The following OR7C1 variants were observed in gnomAD, a reference collection of about 807,000 sequenced individuals.
OR7C1 encodes the protein olfactory receptor 7C1.
For synonymous variants in OR7C1, 152 were observed against 160.7 expected (o/e 0.95, Z 0.41); for missense variants, 324 against 383.3 (o/e 0.85, Z 1.29).
At chr19:14,828,929 AAAC>A (rs1295611542) in intron 1 of OR7C1, among the ~76,000 whole-genome samples, 1 of 77,258 alleles carries the variant, frequency 1.3e-5, no homozygotes, top group East Asian at 9.4e-4. Flanking sequence ...TAAACAAATT[AAAC>A]AATCGAATAT....
intron 2 of OR7C1, among the ~76,000 whole-genome samples, chr19:14,806,513 A>G (rs1171633738): frequency 6.6e-6 from 1 of 151,856 alleles, no homozygotes; most frequent in Non-Finnish European, 1.5e-5. Context: ...TGCATTAGCT[A>G]TTTATCCTGA....
chr19:14,806,137 A>T (rs964592464), intron 2 of OR7C1, among the ~76,000 whole-genome samples: 1 of 151,888 alleles, frequency 6.6e-6, no homozygotes, highest in Admixed American at 6.6e-5. Flanking sequence ...TATTTTTTTC[A>T]GGGCTCCTGA....
chr19:14,804,655 T>TAAACGAGTCGCAGGA (rs1313963165), intron 2 of OR7C1, among the ~76,000 whole-genome samples: 1 of 151,840 alleles, frequency 6.6e-6, no homozygotes, highest in Non-Finnish European at 1.5e-5. Flanking sequence ...CCACAATACA[T>TAAACGAGTCGCAGGA]AAACGAGTCG....
intron 1 of OR7C1, among the ~76,000 whole-genome samples, chr19:14,822,063 C>T (rs1024777479): frequency 6.6e-6 from 1 of 152,176 alleles, no homozygotes; most frequent in Non-Finnish European, 1.5e-5. Flanking sequence ...GAGTGGTGTT[C>T]TATTGTGGAT....
intron 2 of OR7C1, among the ~76,000 whole-genome samples, chr19:14,804,636 A>G (rs1190958211): frequency 6.6e-6 from 1 of 151,998 alleles, no homozygotes; most frequent in Non-Finnish European, 1.5e-5. Context: ...TCTCATTTAC[A>G]TGAAATAGCC....
chr19:14,817,886 GA>G (rs1198656852), intron 1 of OR7C1, among the ~76,000 whole-genome samples: 4 of 151,462 alleles, frequency 2.6e-5, no homozygotes, highest in East Asian at 1.9e-4. Flanking sequence ...AGGTAAGAGA[GA>G]AAAAAAACTG....
At chr19:14,805,411 T>TTA (rs1321439026) in intron 2 of OR7C1, among the ~76,000 whole-genome samples, 1 of 138,816 alleles carries the variant, frequency 7.2e-6, no homozygotes, top group Non-Finnish European at 1.6e-5. Context: ...AAATAATTTT[T>TTA]TTTTTTTTTT....
At chr19:14,799,705 C>A (rs780660158) in exon 5 of OR7C1, 1 of 1,614,046 alleles carries the variant, frequency 6.2e-7, no homozygotes, top group Non-Finnish European at 8.5e-7. Context: ...ACCCCAGAAC[C>A]AGCAGTCCAC....
intron 1 of OR7C1, among the ~76,000 whole-genome samples, chr19:14,813,113 A>G (rs954460538): frequency 2.0e-5 from 3 of 152,096 alleles, no homozygotes; most frequent in Non-Finnish European, 4.4e-5. Context: ...CAAACCAGAA[A>G]ACATTTACAA....
At chr19:14,806,807 C>T (rs111783664) in intron 2 of OR7C1, among the ~76,000 whole-genome samples, 4,245 of 151,898 alleles carry the variant, frequency 0.028, 199 homozygotes, top group African/African-American at 0.079. Flanking sequence ...GGGTTGATTC[C>T]ATGTCTTTGA....
At chr19:14,802,400 A>T (rs1323558059) in intron 2 of OR7C1, among the ~76,000 whole-genome samples, 1 of 152,144 alleles carries the variant, frequency 6.6e-6, no homozygotes, top group African/African-American at 2.4e-5. Context: ...CACGCCTGTA[A>T]TCCCAGCTAC....
At chr19:14,833,043 T>G (rs916695275) in intron 1 of OR7C1, among the ~76,000 whole-genome samples, 1 of 152,230 alleles carries the variant, frequency 6.6e-6, no homozygotes, top group African/African-American at 2.4e-5. Flanking sequence ...CATGGGCATT[T>G]AATATACAGC....
intron 1 of OR7C1, among the ~76,000 whole-genome samples, chr19:14,817,349 T>G (rs2044720742): frequency 6.6e-6 from 1 of 152,204 alleles, no homozygotes; most frequent in South Asian, 2.1e-4. Context: ...CGAGTCCATG[T>G]TTTCACTCCA....
intron 1 of OR7C1, chr19:14,827,068 G>A: frequency 4.8e-6 from 2 of 413,772 alleles, no homozygotes; most frequent in African/African-American, 4.1e-5. Flanking sequence ...ATAACCTTGA[G>A]AAAGTAGGAA....
In OR7C1 at chr19:14,804,794, G is replaced by T. The variant is rs546829681; in HGVS notation, c.-434-4030C>A. On this transcript the variant is annotated intron_variant, in intron 2 of 4. Transcript: ENST00000641666. ...GAAACTAGATAGAGATGGTGGTTGC[G>T]CAAAACACAGAATGTAGTGAATGGC... 3.6e-3 allele frequency among the ~76,000 whole-genome samples: 547 copies of T among 152,048 alleles called. 13 individuals are homozygous for T. Among genetic ancestry groups the T allele is most frequent in the African/African-American group, 0.012 (513 of 41,330 alleles).
At chr19:14,807,452 C>G (rs1417920021) in intron 2 of OR7C1, among the ~76,000 whole-genome samples, 1 of 151,910 alleles carries the variant, frequency 6.6e-6, no homozygotes, top group Non-Finnish European at 1.5e-5. Flanking sequence ...CTGGAATCCT[C>G]TTTAGAATCC....
chr19:14,812,700 G>A (rs2044697124), intron 1 of OR7C1, among the ~76,000 whole-genome samples: 1 of 151,330 alleles, frequency 6.6e-6, no homozygotes, highest in East Asian at 1.9e-4. Flanking sequence ...TTTTGTTTGC[G>A]GCTCGTCCTG....
rs1408159194 is a variant in OR7C1, at chr19:14,798,902, A to T, written c.*272T>A. The T allele has an allele frequency of 1.3e-5, 4 of 302,640 alleles. No individual in the cohort carries two copies. In the East Asian group the frequency reaches 2.5e-4, roughly 19 times the overall value. 18.7% of individuals were successfully genotyped at this position (302,640 alleles called of 1,614,324 possible). ...CGCAGCAGCCGGCATTCACTCATGCAAGCTTCCAGCTTGCTTATCTATGTC... is the reference window on the plus strand; with the variant it reads ...CGCAGCAGCCGGCATTCACTCATGCTAGCTTCCAGCTTGCTTATCTATGTC... On this transcript the variant is annotated 3_prime_UTR_variant, in exon 5 of 5. Coordinates refer to ENST00000641666, the Ensembl canonical transcript of OR7C1.
At chr19:14,822,205 C>T (rs2044743950) in intron 1 of OR7C1, among the ~76,000 whole-genome samples, 1 of 152,010 alleles carries the variant, frequency 6.6e-6, no homozygotes, top group Non-Finnish European at 1.5e-5. Context: ...ATTTCATTTC[C>T]TTTGGCTATA....
Sources: allele counts gnomAD v4.1 joint callset (sites outside exome capture counted in the v4.1 genomes callset), GRCh38; gene constraint gnomAD v4.1.1; transcripts MANE v1.5; gene names NCBI Gene and HGNC (gene_info 2026-07-23, HGNC 2026-07-21).